THSD4: variants seen among roughly 807,000 people sequenced by gnomAD.
THSD4 encodes the protein thrombospondin type-1 domain-containing protein 4.
THSD4 carries 69 observed loss-of-function variants against 119.0 expected under a neutral mutation model. That is an observed-to-expected ratio of 0.58 (90% CI 0.48 to 0.71). The LOEUF is 0.71. THSD4 is among the 30% of genes least tolerant of loss of function. The pLI, the probability that THSD4 is intolerant of heterozygous loss-of-function variation, is 0.00. For missense variants in THSD4, 1,393 were observed against 1,391.1 expected (o/e 1.00, Z -0.02); for synonymous variants, 524 against 540.4 (o/e 0.97, Z 0.42).
intron 7 of THSD4, among the ~76,000 whole-genome samples, chr15:71,445,632 C>T (rs141347226): frequency 9.1e-4 from 139 of 152,320 alleles, no homozygotes; most frequent in African/African-American, 3.1e-3. Flanking sequence ...ACAGGAGGTT[C>T]TCTGTTTTCT....
At position 71,482,579 on chromosome 15, in the gene THSD4, C is replaced by T. The variant is rs1034310831; in HGVS notation, c.1152+70756C>T. ...TGCTGGGATTATAGGCATGAGCCAC[C>T]GTGCCCAGCCAACTTTTTTTTTTGA... On this transcript the variant is annotated intron_variant, in intron 7 of 17. Transcript: ENST00000261862. Among the ~76,000 whole-genome samples the T allele has an allele frequency of 7.9e-5, 12 of 151,300 alleles. No homozygotes were observed. The South Asian group carries it at 1.1e-3, about 13-fold the overall frequency.
At chr15:71,556,217 CA>C (rs1281453474) in intron 7 of THSD4, among the ~76,000 whole-genome samples, 1 of 152,062 alleles carries the variant, frequency 6.6e-6, no homozygotes, top group Non-Finnish European at 1.5e-5. Flanking sequence ...GTCTATAGAT[CA>C]ATATGAGAAC....
chr15:71,541,418 C>G (rs897328877), intron 7 of THSD4, among the ~76,000 whole-genome samples: 1 of 152,168 alleles, frequency 6.6e-6, no homozygotes, highest in Non-Finnish European at 1.5e-5. Flanking sequence ...AAATTTTCCT[C>G]GCATTTCTGT....
Position 71,757,929 on chromosome 15 carries a change from C to T in THSD4, c.2443C>T (p.Arg815Trp), listed in dbSNP as rs367982245. The stretch of plus-strand genomic sequence containing the variant: ...CTCAGCGGAGTGTGGGGCCGGAGTG[C>T]GGACACGCTCGGTGGTGTGCATGAC... ...RCSAECGAGV[R>W]TRSVVCMTNH... Residue 815 changes from arginine (R) to tryptophan (W), a missense_variant, in exon 15 of 18, where the codon CGG becomes TGG. By Grantham distance (101) the Arg-to-Trp change is moderately radical. Coordinates refer to ENST00000261862, the MANE Select transcript of THSD4 (RefSeq NM_024817.3). The T allele has an allele frequency of 8.9e-5, 144 of 1,613,592 alleles. 1 individual carries two copies. Among genetic ancestry groups the T allele is most frequent in the Non-Finnish European group, 1.1e-4 (127 of 1,180,024 alleles).
chr15:71,244,816 A>T (rs948371419), intron 5 of THSD4, among the ~76,000 whole-genome samples: 2 of 152,232 alleles, frequency 1.3e-5, no homozygotes, highest in Non-Finnish European at 2.9e-5. Flanking sequence ...AACGAAATGA[A>T]TTCATTTGTA....
In THSD4 at chr15:71,781,931, T is replaced by A. The variant is rs1012822843; in HGVS notation, c.*4557T>A. The A allele has an allele frequency of 2.6e-4, 39 of 152,298 alleles. No individual in the cohort carries two copies. The highest frequency in any genetic ancestry group is 8.7e-4 in the African/African-American group (36 of 41,452). 9.4% of individuals were successfully genotyped at this position (152,298 alleles called of 1,614,324 possible). On this transcript the variant is annotated 3_prime_UTR_variant, in exon 18 of 18. Transcript: ENST00000261862. ...CAGCTATGCACTTTCCGTTTCTGACTTTTGCCACCCTGTCAGCCATGGGGA... is the reference window on the plus strand; with the variant it reads ...CAGCTATGCACTTTCCGTTTCTGACATTTGCCACCCTGTCAGCCATGGGGA...
At chr15:71,727,701 T>C (rs377610420) in intron 8 of THSD4, among the ~76,000 whole-genome samples, 32 of 134,374 alleles carry the variant, frequency 2.4e-4, no homozygotes, top group African/African-American at 8.3e-4. Flanking sequence ...GCCCAGGAGG[T>C]TGAGGCTGCA....
At chr15:71,546,344 G>T (rs2048837176) in intron 7 of THSD4, among the ~76,000 whole-genome samples, 1 of 151,952 alleles carries the variant, frequency 6.6e-6, no homozygotes, top group Non-Finnish European at 1.5e-5. Flanking sequence ...GTACTTGATG[G>T]GTTCTAATCC....
chr15:71,604,760 T>C (rs144290357), intron 7 of THSD4, among the ~76,000 whole-genome samples: 2 of 152,120 alleles, frequency 1.3e-5, no homozygotes, highest in Admixed American at 1.3e-4. Context: ...ATGTCACTTG[T>C]AATATGCAAG....
At chr15:71,570,953 G>A (rs1595893697) in intron 7 of THSD4, among the ~76,000 whole-genome samples, 2 of 152,146 alleles carry the variant, frequency 1.3e-5, no homozygotes, top group Non-Finnish European at 2.9e-5. Flanking sequence ...TGGTACAGAC[G>A]TGGCTGCGCC....
intron 7 of THSD4, among the ~76,000 whole-genome samples, chr15:71,628,464 C>T (rs943624210): frequency 3.3e-5 from 5 of 152,110 alleles, no homozygotes; most frequent in Non-Finnish European, 4.4e-5. Flanking sequence ...AGGAGCAGAA[C>T]GGGAATTTGA....
In THSD4 at chr15:71,165,187, G is replaced by T. The variant is rs1366319659; in HGVS notation, c.99+10255G>T. 9 of 1,577,074 alleles carry T rather than the reference G, an allele frequency of 5.7e-6. No homozygotes were observed. The East Asian group carries it at 2.0e-4, about 35-fold the overall frequency. The stretch of plus-strand genomic sequence containing the variant: ...TTGTCTCCCCTTTGGGAGGGATGTA[G>T]GTTTTCATTTCTCTTTCATAATGGG... On this transcript the variant is annotated intron_variant, in intron 3 of 17. Transcript: ENST00000261862.
At chr15:71,561,556 A>G (rs2049117245) in intron 7 of THSD4, among the ~76,000 whole-genome samples, 2 of 152,164 alleles carry the variant, frequency 1.3e-5, no homozygotes, top group African/African-American at 4.8e-5. Flanking sequence ...GGCATCACCC[A>G]TGAGAATAAA....
At chr15:71,151,979 TC>T (rs2141380662) in intron 2 of THSD4, among the ~76,000 whole-genome samples, 1 of 152,306 alleles carries the variant, frequency 6.6e-6, no homozygotes, top group Non-Finnish European at 1.5e-5. Context: ...AATGTTTCCG[TC>T]ATCATAGAAA....
At chr15:71,590,687 C>G (rs1410484900) in intron 7 of THSD4, among the ~76,000 whole-genome samples, 1 of 152,070 alleles carries the variant, frequency 6.6e-6, no homozygotes, top group African/African-American at 2.4e-5. Flanking sequence ...CATGCACATC[C>G]TGCACATGCA....
intron 1 of THSD4, among the ~76,000 whole-genome samples, chr15:71,104,559 G>C (rs1328207759): frequency 6.6e-6 from 1 of 152,218 alleles, no homozygotes; most frequent in Admixed American, 6.5e-5. Context: ...GCCAATATGA[G>C]TGACCATGGC....
chr15:71,690,921 C>G (rs913823490), intron 8 of THSD4, among the ~76,000 whole-genome samples: 1 of 152,148 alleles, frequency 6.6e-6, no homozygotes, highest in Non-Finnish European at 1.5e-5. Flanking sequence ...TACAGCCAAA[C>G]CATATCACAT....
At chr15:71,221,915 G>GT (rs146576344) in intron 4 of THSD4, among the ~76,000 whole-genome samples, 8,411 of 151,154 alleles carry the variant, frequency 0.056, 629 homozygotes, top group African/African-American at 0.17. Flanking sequence ...GTTATTTTCT[G>GT]TTTTTTTTTG....
At chr15:71,330,020 C>T (rs1039817636) in intron 6 of THSD4, among the ~76,000 whole-genome samples, 6 of 150,992 alleles carry the variant, frequency 4.0e-5, no homozygotes, top group Non-Finnish European at 5.9e-5. Context: ...GTCGAGGCTG[C>T]GGTGAGCTGT....
Sources: gnomAD v4.1 joint callset for allele counts (sites outside exome capture counted in the v4.1 genomes callset) on GRCh38, gnomAD v4.1.1 for gene constraint, MANE v1.5 for transcripts, NCBI Gene and HGNC (gene_info 2026-07-23, HGNC 2026-07-21) for gene names.